The following CDH22 variants were observed in gnomAD, a reference collection of about 807,000 sequenced individuals.
The protein encoded by CDH22 is cadherin 22.
A neutral mutation model predicts 58.4 loss-of-function variants in CDH22; 30 were observed. That is an observed-to-expected ratio of 0.51 (90% confidence interval 0.38 to 0.70). CDH22 has a LOEUF of 0.70. Ranked by LOEUF, CDH22 falls within the 30% of genes least tolerant of loss-of-function variation. CDH22 has a pLI of 0.00. For synonymous variants in CDH22, 513 were observed against 558.2 expected (o/e 0.92, Z 1.14); for missense variants, 1,014 against 1,233.9 (o/e 0.82, Z 2.67).
Position 46,178,087 on chromosome 20 carries a change from T to A in CDH22, c.1774A>T (p.Thr592Ser). ...VDSGPPTLSS[T>S]GTLTIRICGC... Reference sequence around the variant, plus strand: ...CAGATGCGGATGGTGAGCGTGCCTGTGCTGCTCAGTGTGGGCGGCCCACTG... The same window carrying A: ...CAGATGCGGATGGTGAGCGTGCCTGAGCTGCTCAGTGTGGGCGGCCCACTG... Residue 592 changes from threonine (T) to serine (S), a missense_variant, in exon 11 of 12, where the codon ACA becomes TCA. Physicochemically the swap from Thr to Ser is moderately conservative, Grantham distance 58. Coordinates refer to ENST00000537909, the MANE Select transcript of CDH22 (RefSeq NM_021248.3). 6.2e-7 allele frequency: 1 copy of A among 1,614,062 alleles called. No homozygotes were observed. The highest frequency in any genetic ancestry group is 8.5e-7 in the Non-Finnish European group (1 of 1,179,966).
At chr20:46,263,430 G>GCA (rs113969670) in intron 1 of CDH22, among the ~76,000 whole-genome samples, 132 of 131,940 alleles carry the variant, frequency 1.0e-3, no homozygotes, top group African/African-American at 3.6e-3. Context: ...GTGTGTGTGC[G>GCA]TGTGTGTGCA....
intron 7 of CDH22, among the ~76,000 whole-genome samples, chr20:46,203,734 A>C (rs2085978436): frequency 6.6e-6 from 1 of 152,200 alleles, no homozygotes; most frequent in African/African-American, 2.4e-5. Flanking sequence ...GAGTCCCCCC[A>C]ACCCAGTGTG....
intron 1 of CDH22, among the ~76,000 whole-genome samples, chr20:46,280,775 T>C (rs2086547287): frequency 6.6e-6 from 1 of 152,242 alleles, no homozygotes; most frequent in Non-Finnish European, 1.5e-5. Flanking sequence ...TGCAGGTTGC[T>C]GCGGGCAAAA....
chr20:46,214,280 G>A (rs895628312), intron 5 of CDH22, among the ~76,000 whole-genome samples: 10 of 152,120 alleles, frequency 6.6e-5, no homozygotes, highest in Admixed American at 4.6e-4. Context: ...AGCTGAGGTC[G>A]AGGTGAGGAT....
intron 2 of CDH22, among the ~76,000 whole-genome samples, chr20:46,248,405 T>C (rs1416842488): frequency 6.6e-6 from 1 of 152,186 alleles, no homozygotes; most frequent in Admixed American, 6.5e-5. Context: ...GATGCATCAG[T>C]CCTTCCCTGT....
intron 1 of CDH22, among the ~76,000 whole-genome samples, chr20:46,272,233 A>G (rs989519164): frequency 6.6e-6 from 1 of 152,184 alleles, no homozygotes; most frequent in Non-Finnish European, 1.5e-5. Flanking sequence ...TTAACACTGG[A>G]TGGTGGTGTG....
chr20:46,217,428 TCA>T (rs973638332), intron 4 of CDH22, among the ~76,000 whole-genome samples: 4 of 151,716 alleles, frequency 2.6e-5, no homozygotes, highest in African/African-American at 9.7e-5. Flanking sequence ...CCAGATACAT[TCA>T]CACACACACA....
At chr20:46,286,943 T>C (rs1220410607) in intron 1 of CDH22, among the ~76,000 whole-genome samples, 1 of 152,112 alleles carries the variant, frequency 6.6e-6, no homozygotes, top group African/African-American at 2.4e-5. Flanking sequence ...TACCATGGAG[T>C]CCTGTGCTGC....
chr20:46,260,044 G>A (rs2086425557), intron 1 of CDH22, among the ~76,000 whole-genome samples: 1 of 152,118 alleles, frequency 6.6e-6, no homozygotes, highest in African/African-American at 2.4e-5. Flanking sequence ...AAACCAATAG[G>A]AGCCAGACTC....
chr20:46,288,725 C>T (rs2086587042), intron 1 of CDH22, among the ~76,000 whole-genome samples: 1 of 152,166 alleles, frequency 6.6e-6, no homozygotes, highest in African/African-American at 2.4e-5. Flanking sequence ...TGAAGTCAGT[C>T]TTGACTTCAC....
chr20:46,233,714 C>G (rs1023389228), intron 3 of CDH22, among the ~76,000 whole-genome samples: 2 of 152,208 alleles, frequency 1.3e-5, no homozygotes, highest in Non-Finnish European at 2.9e-5. Context: ...TCCTCCCTGT[C>G]CAGATTACCC....
intron 7 of CDH22, among the ~76,000 whole-genome samples, chr20:46,206,707 ACT>A (rs915438476): frequency 3.3e-5 from 5 of 151,320 alleles, no homozygotes; most frequent in African/African-American, 9.7e-5. Context: ...TTATCCTATC[ACT>A]CTATTTTCTT....
Position 46,251,195 on chromosome 20 carries a change from C to A in CDH22, c.100G>T (p.Gly34Trp). Residue 34 changes from glycine (G) to tryptophan (W), a missense_variant, in exon 2 of 12, where the codon GGG (glycine) becomes TGG (tryptophan). By Grantham distance (184) the Gly-to-Trp change is radical. Coordinates refer to ENST00000537909, the MANE Select transcript of CDH22 (RefSeq NM_021248.3). This position sits in a 1 kb window ranked among gnomAD's most constrained non-coding sequence, Gnocchi z 6.7. ...GGTGTGCCCGCTGCCCACAGGCGCCCCAGCAGCGTCGGCGGCGGCGGCAGC... is the reference window on the plus strand; with the variant it reads ...GGTGTGCCCGCTGCCCACAGGCGCCACAGCAGCGTCGGCGGCGGCGGCAGC... ...LLLPPPPTLL[G>W]RLWAAGTPSP... The A allele has an allele frequency of 6.8e-7, 1 of 1,478,876 alleles. No individual in the cohort carries two copies. Among genetic ancestry groups the A allele is most frequent in the Non-Finnish European group, 9.0e-7 (1 of 1,116,206 alleles). The allele number at this position is 1,478,876 out of a possible 1,614,324, so 91.6% of individuals were successfully genotyped here.
intron 2 of CDH22, among the ~76,000 whole-genome samples, chr20:46,248,999 A>C (rs1239612745): frequency 6.6e-6 from 1 of 152,244 alleles, no homozygotes; most frequent in East Asian, 1.9e-4. Flanking sequence ...TATGGGAATA[A>C]TAAAAAACAG....
intron 4 of CDH22, among the ~76,000 whole-genome samples, chr20:46,226,117 C>A (rs1044909930): frequency 2.6e-5 from 4 of 152,286 alleles, no homozygotes; most frequent in Admixed American, 2.6e-4. Flanking sequence ...ATTGCCGAAG[C>A]CTGAGCTGCT....
At position 46,206,630 on chromosome 20, in the gene CDH22, T is replaced by C. The variant is rs146221389; in HGVS notation, c.1286+3677A>G. 6.0e-4 allele frequency among the ~76,000 whole-genome samples: 92 copies of C among 152,306 alleles called. 1 individual carries two copies. Among genetic ancestry groups the C allele is most frequent in the African/African-American group, 2.2e-3 (92 of 41,574 alleles). ...CATGGATGGCTCCCCATCATTCTGATCTCAGCTCATGTGTCACATCCCTGA... is the reference window on the plus strand; with the variant it reads ...CATGGATGGCTCCCCATCATTCTGACCTCAGCTCATGTGTCACATCCCTGA... On this transcript the variant is annotated intron_variant, in intron 7 of 11. Transcript: ENST00000537909.
intron 1 of CDH22, among the ~76,000 whole-genome samples, chr20:46,297,643 A>T (rs1282614902): frequency 7.9e-6 from 1 of 127,080 alleles, no homozygotes; most frequent in Non-Finnish European, 1.6e-5. Context: ...CAGAAAAGAG[A>T]GTGCGGGCTC....
At chr20:46,268,061 G>A (rs2086469960) in intron 1 of CDH22, among the ~76,000 whole-genome samples, 1 of 152,258 alleles carries the variant, frequency 6.6e-6, no homozygotes, top group Non-Finnish European at 1.5e-5. Flanking sequence ...CCAGATATTG[G>A]ACATGGGTTT....
At chr20:46,228,441 C>T (rs543107993) in intron 3 of CDH22, among the ~76,000 whole-genome samples, 5 of 152,252 alleles carry the variant, frequency 3.3e-5, no homozygotes, top group South Asian at 2.1e-4. Flanking sequence ...TGATTTTTGA[C>T]GCTGCCTCAT....
Sources: gnomAD v4.1 joint callset for allele counts (sites outside exome capture counted in the v4.1 genomes callset) on GRCh38, gnomAD v4.1.1 for gene constraint, Gnocchi (gnomAD v3.1) non-coding constraint, MANE v1.5 for transcripts, NCBI Gene and HGNC (gene_info 2026-07-23, HGNC 2026-07-21) for gene names.